Variants in ROBO1 observed in about 807,000 individuals in gnomAD.
ROBO1 encodes roundabout homolog 1.
In ROBO1, 149 loss-of-function variants were observed where a neutral mutation model predicts 195.9. The ratio of observed to expected loss-of-function variants is 0.76; its 90% CI spans 0.67 to 0.87. The LOEUF is 0.87. Among genes scored for constraint, ROBO1 ranks in the 40% least tolerant of loss-of-function variants. The pLI, the probability that ROBO1 is intolerant of heterozygous loss-of-function variation, is 0.00. For missense variants in ROBO1, 1,933 were observed against 2,068.3 expected, an observed-to-expected ratio of 0.93 and a Z score of 1.27; for synonymous variants, 816 against 733.2, an observed-to-expected ratio of 1.11 and a Z score of -1.82.
chr3:79,510,181 C>T (rs2107537379), intron 2 of ROBO1, among the ~76,000 whole-genome samples: 1 of 152,276 alleles, frequency 6.6e-6, no homozygotes, highest in African/African-American at 2.4e-5. Context: ...TTACCATAAT[C>T]CCCACGTCAT....
intron 4 of ROBO1, among the ~76,000 whole-genome samples, chr3:78,864,651 TATC>T (rs1271377412): frequency 2.0e-5 from 3 of 152,078 alleles, no homozygotes; most frequent in Non-Finnish European, 4.4e-5. Context: ...CTAATGGTAA[TATC>T]ATGAGAATTT....
intron 2 of ROBO1, among the ~76,000 whole-genome samples, chr3:79,182,584 C>T (rs1576783656): frequency 6.7e-6 from 1 of 148,750 alleles, no homozygotes; most frequent in African/African-American, 2.6e-5. Context: ...TGCGTGCATG[C>T]ACGCACTGGA....
intron 2 of ROBO1, among the ~76,000 whole-genome samples, chr3:79,467,413 A>T (rs80259620): frequency 0.034 from 5,160 of 151,434 alleles, 195 homozygotes; most frequent in African/African-American, 0.097. Context: ...TTGGCCCTCC[A>T]CAAACCCCTC....
chr3:79,567,351 TG>T (rs1210031984), intron 2 of ROBO1, among the ~76,000 whole-genome samples: 1 of 152,108 alleles, frequency 6.6e-6, no homozygotes, highest in Non-Finnish European at 1.5e-5. Context: ...CATGTTTTCC[TG>T]GGTAACAAAC....
chr3:79,288,565 G>C (rs769781442), intron 2 of ROBO1, among the ~76,000 whole-genome samples: 5 of 152,088 alleles, frequency 3.3e-5, no homozygotes, highest in Non-Finnish European at 7.4e-5. Flanking sequence ...TTGCAATCTT[G>C]GATAAAAATC....
intron 1 of ROBO1, among the ~76,000 whole-genome samples, chr3:79,690,263 A>T (rs1947260744): frequency 6.6e-6 from 1 of 151,928 alleles, no homozygotes; most frequent in South Asian, 2.1e-4. Context: ...GTTTTCCTGG[A>T]TTGTCCAGAT....
rs1392756086 is a variant in ROBO1 at position 78,941,738 on chromosome 3, G to A, written c.173-2811C>T. Among the ~76,000 whole-genome samples, 3 of 152,178 alleles carry A rather than the reference G, an allele frequency of 2.0e-5. No individual in the cohort carries two copies. In the East Asian group the frequency reaches 5.8e-4, roughly 29 times the overall value. ...GGTACACTTGTGGGACCTGCAAGCT[G>A]CTTAGTATGGCCTGAGTATAAGGTG... On this transcript the variant is annotated intron_variant, in intron 3 of 30. Transcript: ENST00000464233.
chr3:78,905,390 T>G (rs2037840672), intron 4 of ROBO1, among the ~76,000 whole-genome samples: 1 of 151,986 alleles, frequency 6.6e-6, no homozygotes, highest in Non-Finnish European at 1.5e-5. Flanking sequence ...ATAATCTCAG[T>G]ACTTTGGGAG....
intron 2 of ROBO1, among the ~76,000 whole-genome samples, chr3:79,566,076 T>C (rs1031038763): frequency 1.3e-5 from 2 of 152,098 alleles, no homozygotes; most frequent in Non-Finnish European, 2.9e-5. Context: ...TTCCTTTTAG[T>C]ATTAAAAATA....
At chr3:79,472,910 T>G (rs924410525) in intron 2 of ROBO1, among the ~76,000 whole-genome samples, 5 of 152,092 alleles carry the variant, frequency 3.3e-5, no homozygotes, top group African/African-American at 4.8e-5. Flanking sequence ...GAGGAGCTTT[T>G]AAACTAAGAG....
chr3:78,611,971 C>A (rs61544980), intron 28 of ROBO1, among the ~76,000 whole-genome samples: 6,438 of 152,156 alleles, frequency 0.042, 426 homozygotes, highest in African/African-American at 0.14. Flanking sequence ...AAATAAATTT[C>A]TGTTTTTGAA....
intron 3 of ROBO1, among the ~76,000 whole-genome samples, chr3:79,107,106 T>TCTCTC (rs2079795729): frequency 1.6e-5 from 2 of 125,320 alleles, no homozygotes; most frequent in African/African-American, 5.7e-5. Context: ...ACCTCTCTCT[T>TCTCTC]TCTCTCTCTC....
At chr3:79,744,222 C>T (rs565216532) in intron 1 of ROBO1, among the ~76,000 whole-genome samples, 3 of 152,156 alleles carry the variant, frequency 2.0e-5, no homozygotes, top group South Asian at 2.1e-4. Context: ...ATTATAATCT[C>T]GTGGGTCCAC....
intron 10 of ROBO1, among the ~76,000 whole-genome samples, chr3:78,684,053 T>C (rs762168766): frequency 2.6e-5 from 4 of 152,050 alleles, no homozygotes; most frequent in African/African-American, 9.7e-5. Context: ...GAAATTAGTA[T>C]GTATGTCCAC....
At chr3:78,853,397 ATATATATACAG>A (rs1479969400) in intron 4 of ROBO1, among the ~76,000 whole-genome samples, 1 of 151,090 alleles carries the variant, frequency 6.6e-6, no homozygotes, top group Non-Finnish European at 1.5e-5. Flanking sequence ...GGATATGTGC[ATATATATACAG>A]TATATATACA....
chr3:78,899,638 T>G (rs2107459252), intron 4 of ROBO1, among the ~76,000 whole-genome samples: 1 of 152,304 alleles, frequency 6.6e-6, no homozygotes, highest in Non-Finnish European at 1.5e-5. Flanking sequence ...AATTAAGATC[T>G]TATATTCAAA....
At chr3:79,677,079 C>T (rs530192458) in intron 1 of ROBO1, among the ~76,000 whole-genome samples, 1 of 152,080 alleles carries the variant, frequency 6.6e-6, no homozygotes, top group African/African-American at 2.4e-5. Context: ...ATTCCCAACT[C>T]TTGGTGTTAA....
intron 4 of ROBO1, among the ~76,000 whole-genome samples, chr3:78,764,022 G>T (rs1226949588): frequency 1.3e-5 from 2 of 152,080 alleles, no homozygotes; most frequent in Non-Finnish European, 2.9e-5. Flanking sequence ...GAAGCTGACG[G>T]GTTTGGATAT....
chr3:79,530,199 T>A (rs2107607999), intron 2 of ROBO1, among the ~76,000 whole-genome samples: 1 of 152,294 alleles, frequency 6.6e-6, no homozygotes, highest in South Asian at 2.1e-4. Flanking sequence ...TATTTTAATA[T>A]TACATTTTAT....
Sources: allele counts gnomAD v4.1 joint callset (sites outside exome capture counted in the v4.1 genomes callset), GRCh38; gene constraint gnomAD v4.1.1; transcripts MANE v1.5; gene names NCBI Gene and HGNC (gene_info 2026-07-23, HGNC 2026-07-21).